CTRC: variants seen among roughly 807,000 people sequenced by gnomAD.
CTRC encodes the protein chymotrypsin-C.
Under a neutral mutation model 35.7 loss-of-function variants are expected in CTRC, and 32 were observed. That is an observed-to-expected ratio of 0.90 (90% confidence interval 0.68 to 1.20). The LOEUF is 1.20. CTRC is among the 50% of genes most tolerant of loss of function. The pLI, the probability that CTRC is intolerant of heterozygous loss-of-function variation, is 0.00. For missense variants in CTRC, 324 were observed against 361.5 expected (o/e 0.90, Z 0.84); for synonymous variants, 119 against 149.5 (o/e 0.80, Z 1.49).
intron 3 of CTRC, 118 bp from the exon 4 acceptor site, chr1:15,442,329 C>T: frequency 7.5e-7 from 1 of 1,327,560 alleles, no homozygotes; most frequent in Non-Finnish European, 1.0e-6. Context: ...TGGGAAAGGA[C>T]AATGGGAACA....
chr1:15,438,932 G>T (rs1708081859), intron 1 of CTRC, among the ~76,000 whole-genome samples: 1 of 152,130 alleles, frequency 6.6e-6, no homozygotes, highest in Non-Finnish European at 1.5e-5. Context: ...TTCTCTGCAG[G>T]ACCTGGAAAA....
At chr1:15,444,836 TCTC>T (rs1261944874) in intron 6 of CTRC, 85 bp downstream of exon 6, 6 of 1,573,408 alleles carry the variant, frequency 3.8e-6, no homozygotes, top group Non-Finnish European at 5.2e-6. Context: ...ACCAAACCCT[TCTC>T]CTGGGAGGAG....
Position 15,447,524 on chromosome 1 carries a change from A to C in CTRC, c.*935A>C, listed in dbSNP as rs1180365452. 2 of 152,566 alleles carry C rather than the reference A, an allele frequency of 1.3e-5. No individual in the cohort carries two copies. The highest frequency in any genetic ancestry group is 2.9e-5 in the Non-Finnish European group (2 of 68,344). The allele number at this position is 152,566 out of a possible 1,614,324, so 9.5% of individuals were successfully genotyped here. A position where few individuals can be genotyped will look rare whatever the true frequency, so the allele number is the denominator to read the frequency against. Reference sequence around the variant, plus strand: ...ATAGACCCAGTGTCCAGGGAGGGACATGCCAGTGGGATCAGACCCTGATGA... The same window carrying C: ...ATAGACCCAGTGTCCAGGGAGGGACCTGCCAGTGGGATCAGACCCTGATGA... On this transcript the variant is annotated 3_prime_UTR_variant, in exon 8 of 8. Transcript: ENST00000375949.
In CTRC at chr1:15,445,556, G is replaced by T. The variant is rs186735838; in HGVS notation, c.640-41G>T. 85 of 1,605,234 alleles carry T rather than the reference G, an allele frequency of 5.3e-5. 1 individual carries two copies. The East Asian group carries it at 1.5e-3, about 29-fold the overall frequency. Reference sequence around the variant, plus strand: ...GTCCTGCTTCCCAAGACTTCCTCTGGGGGGGGGCCTGGTGGCTTATGCCCT... The same window carrying T: ...GTCCTGCTTCCCAAGACTTCCTCTGTGGGGGGGCCTGGTGGCTTATGCCCT... On this transcript the variant is annotated intron_variant, in intron 6 of 7. Coordinates refer to ENST00000375949, the MANE Select transcript of CTRC (RefSeq NM_007272.3).
intron 3 of CTRC, among the ~76,000 whole-genome samples, chr1:15,440,870 T>C (rs1708122256): frequency 2.6e-5 from 4 of 152,144 alleles, no homozygotes; most frequent in Admixed American, 2.6e-4. Flanking sequence ...TCTCAGGTGA[T>C]TTAAAATAAT....
chr1:15,445,929 T>C (rs961784194), intron 7 of CTRC, among the ~76,000 whole-genome samples, 180 bp downstream of exon 7: 9 of 150,846 alleles, frequency 6.0e-5, no homozygotes, highest in African/African-American at 2.2e-4. Context: ...CACTCATTCA[T>C]GTATTTATTC....
chr1:15,440,890 A>G (rs113545809), intron 3 of CTRC, among the ~76,000 whole-genome samples: 2,438 of 152,238 alleles, frequency 0.016, 79 homozygotes, highest in African/African-American at 0.056. Flanking sequence ...TACTAATAAT[A>G]AGGTATTGGC....
In CTRC at chr1:15,444,614, C is replaced by T. The variant is rs1374087623; in HGVS notation, c.502C>T (p.Pro168Ser). The change falls in exon 6 of 8, where the codon CCC becomes TCC. Residue 168 changes from proline to serine, a missense_variant. Transcript: ENST00000375949. The part of the protein sequence containing the change: ...TGWGRLWTNG[P>S]IADKLQQGLQ... ...GCTCACTCTCTCCCCAGCCAACGGC[C>T]CCATTGCTGATAAGCTGCAGCAGGG... The T allele has an allele frequency of 6.2e-7, 1 of 1,614,064 alleles. No individual in the cohort carries two copies. Among genetic ancestry groups the T allele is most frequent in the Non-Finnish European group, 8.5e-7 (1 of 1,180,040 alleles).
At chr1:15,444,127 G>A (rs1182521834) in intron 5 of CTRC, among the ~76,000 whole-genome samples, 1 of 152,000 alleles carries the variant, frequency 6.6e-6, no homozygotes, top group Non-Finnish European at 1.5e-5. Flanking sequence ...ATGGTGGTGT[G>A]TACCTGTAGT....
rs1344618408 is a variant in CTRC at position 15,446,663 on chromosome 1, C to G, written c.*74C>G. ...TCCTTCTCCTCGGGCCACCTGGATC[C>G]TTGATTTGTGCAGCTTCTGTTGCTT... On this transcript the variant is annotated 3_prime_UTR_variant, in exon 8 of 8. Transcript: ENST00000375949. 6.5e-7 allele frequency: 1 copy of G among 1,549,452 alleles called. No individual in the cohort carries two copies. Among genetic ancestry groups the G allele is most frequent in the East Asian group, 2.2e-5 (1 of 44,624 alleles).
At chr1:15,441,552 G>A (rs545555673) in intron 3 of CTRC, among the ~76,000 whole-genome samples, 28 of 152,268 alleles carry the variant, frequency 1.8e-4, no homozygotes, top group African/African-American at 6.5e-4. Flanking sequence ...TTGACCCTGA[G>A]TAAGATGGAG....
intron 3 of CTRC, among the ~76,000 whole-genome samples, chr1:15,441,545 A>G (rs1486111454): frequency 6.6e-6 from 1 of 152,078 alleles, no homozygotes; most frequent in African/African-American, 2.4e-5. Context: ...CTTGGCTTTG[A>G]CCCTGAGTAA....
rs1194755295 is a variant in CTRC at position 15,448,736 on chromosome 1, C to T, written c.*2147C>T. ...AAACTCCTGACCTCAGGTGATCTGC[C>T]CGCCTTGGCCTCCCAAAGTACTGGG... On this transcript the variant is annotated 3_prime_UTR_variant, in exon 8 of 8. Coordinates refer to ENST00000375949, the MANE Select transcript of CTRC (RefSeq NM_007272.3). 6.6e-6 allele frequency: 1 copy of T among 151,998 alleles called. No homozygotes were observed. Among genetic ancestry groups the T allele is most frequent in the Non-Finnish European group, 1.5e-5 (1 of 68,020 alleles). 9.4% of individuals were successfully genotyped at this position (151,998 alleles called of 1,614,324 possible).
chr1:15,448,138 T>A lies in CTRC; in HGVS notation c.*1549T>A, dbSNP rs1708246958. On this transcript the variant is annotated 3_prime_UTR_variant, in exon 8 of 8. Coordinates refer to ENST00000375949, the MANE Select transcript of CTRC (RefSeq NM_007272.3). Reference sequence around the variant, plus strand: ...AGAACGTAGTCCTTCTTAAGTTTGCTTAATCTAAACTTCATTCCCACCTAT... The same window carrying A: ...AGAACGTAGTCCTTCTTAAGTTTGCATAATCTAAACTTCATTCCCACCTAT... The A allele has an allele frequency of 6.6e-6, 1 of 151,730 alleles. No homozygotes were observed. The allele number at this position is 151,730 out of a possible 1,614,324, so 9.4% of individuals were successfully genotyped here.
chr1:15,442,721 G>T lies in CTRC; in HGVS notation c.356+149G>T. The T allele has an allele frequency of 5.3e-6, 6 of 1,141,642 alleles. No homozygotes were observed. The Admixed American group carries it at 9.9e-5, about 19-fold the overall frequency. The allele number at this position is 1,141,642 out of a possible 1,614,324, so 70.7% of individuals were successfully genotyped here. On this transcript the variant is annotated intron_variant, in intron 4 of 7. Transcript: ENST00000375949. ...GCAAATGACTGTCTTACACAAAATGGCAAAATGCTAAGTGGAGACAAATAC... is the reference window on the plus strand; with the variant it reads ...GCAAATGACTGTCTTACACAAAATGTCAAAATGCTAAGTGGAGACAAATAC...
intron 7 of CTRC, 151 bp downstream of exon 7, chr1:15,445,900 ATTTATT>A (rs1708212390): frequency 1.1e-6 from 1 of 918,032 alleles, no homozygotes; most frequent in African/African-American, 1.8e-5. Context: ...GCATTCATTC[ATTTATT>A]CACTTATTCA....
At chr1:15,440,226 G>GGGCCCCCCCCCCCCCACCCC in intron 1 of CTRC, 74 bp from the exon 2 acceptor site, 1 of 523,580 alleles carries the variant, frequency 1.9e-6, no homozygotes. Flanking sequence ...TCTTCCACCT[G>GGGCCCCCCCCCCCCCACCCC]CCCACCCTCC....
At chr1:15,439,786 G>A (rs1442488827) in intron 1 of CTRC, among the ~76,000 whole-genome samples, 1 of 152,196 alleles carries the variant, frequency 6.6e-6, no homozygotes, top group Non-Finnish European at 1.5e-5. Flanking sequence ...TTATCACCCA[G>A]GATGGAGTGC....
intron 6 of CTRC, 69 bp downstream of exon 6, chr1:15,444,820 C>A: frequency 3.8e-6 from 6 of 1,595,856 alleles, no homozygotes; most frequent in Non-Finnish European, 5.2e-6. Flanking sequence ...AAGGGGGGTG[C>A]GATGGACCAA....
Sources: gnomAD v4.1 joint callset for allele counts (sites outside exome capture counted in the v4.1 genomes callset) on GRCh38, gnomAD v4.1.1 for gene constraint, MANE v1.5 for transcripts, NCBI Gene and HGNC (gene_info 2026-07-23, HGNC 2026-07-21) for gene names.